The following RSPH14 variants were observed in gnomAD, a reference collection of about 807,000 sequenced individuals.
RSPH14 encodes radial spoke head 14 homolog.
Under a neutral mutation model 26.7 loss-of-function variants are expected in RSPH14, and 20 were observed. That is an observed-to-expected ratio of 0.75 (90% confidence interval 0.53 to 1.09). RSPH14 has a LOEUF of 1.09. RSPH14 is among the 50% of genes least tolerant of loss of function. RSPH14 has a pLI of 0.00. For synonymous variants in RSPH14, 177 were observed against 189.3 expected, an observed-to-expected ratio of 0.93 and a Z score of 0.53; for missense variants, 449 against 457.2, an observed-to-expected ratio of 0.98 and a Z score of 0.16.
intron 2 of RSPH14, among the ~76,000 whole-genome samples, chr22:23,139,922 A>G (rs1232970335): frequency 1.3e-5 from 2 of 152,218 alleles, no homozygotes; most frequent in African/African-American, 4.8e-5. Flanking sequence ...GAAATTAGTC[A>G]GCCATGGTGG....
intron 3 of RSPH14, chr22:23,136,373 T>C (rs140894270): frequency 1.1e-5 from 7 of 652,080 alleles, no homozygotes; most frequent in African/African-American, 5.5e-5. Context: ...TCAGGGCAGC[T>C]ACTTAGAGCT....
chr22:23,079,810 G>C (rs1045030214), intron 4 of RSPH14, among the ~76,000 whole-genome samples: 3 of 152,112 alleles, frequency 2.0e-5, no homozygotes, highest in Non-Finnish European at 2.9e-5. Flanking sequence ...CACAACCTGT[G>C]GTGCCAGCCT....
upstream of RSPH14, among the ~76,000 whole-genome samples, chr22:23,144,803 T>C (rs2070685179): frequency 6.6e-6 from 1 of 152,156 alleles, no homozygotes; most frequent in South Asian, 2.1e-4. Flanking sequence ...GCAGAAAAGT[T>C]AAGGAGCTGA....
intron 4 of RSPH14, among the ~76,000 whole-genome samples, chr22:23,125,444 C>G (rs2070158785): frequency 6.6e-6 from 1 of 152,140 alleles, no homozygotes; most frequent in Non-Finnish European, 1.5e-5. Context: ...TTCCTGTGCC[C>G]CCAGTAGTGT....
chr22:23,167,592 C>T, the RSPH14 span, among the ~76,000 whole-genome samples: 1 of 152,238 alleles, frequency 6.6e-6, no homozygotes, highest in African/African-American at 2.4e-5. Flanking sequence ...GGATGCAGGG[C>T]ATCTTAACCC....
At chr22:23,142,030 C>G, upstream of RSPH14, 1 of 985,466 alleles carries the variant, frequency 1.0e-6, no homozygotes, top group Non-Finnish European at 1.2e-6. Flanking sequence ...CGTTGCCAGG[C>G]GACTCCAGCA....
chr22:23,159,326 G>A, the RSPH14 span: 6 of 1,386,206 alleles, frequency 4.3e-6, no homozygotes, highest in Non-Finnish European at 5.9e-6. Context: ...GGCCTGCCAT[G>A]CAGTGTTTCC....
chr22:23,072,583 C>T (rs901167745), intron 4 of RSPH14, among the ~76,000 whole-genome samples: 4 of 152,170 alleles, frequency 2.6e-5, no homozygotes, highest in Non-Finnish European at 5.9e-5. Context: ...GTGTGCCTAC[C>T]CTCCCCACCC....
chr22:23,158,087 G>A, the RSPH14 span: 13 of 1,610,954 alleles, frequency 8.1e-6, no homozygotes, highest in African/African-American at 4.0e-5. Flanking sequence ...CTGGGCTCAG[G>A]AAGCTGCCTG....
At chr22:23,116,345 G>A (rs1205949496) in intron 4 of RSPH14, among the ~76,000 whole-genome samples, 1 of 152,268 alleles carries the variant, frequency 6.6e-6, no homozygotes, top group Non-Finnish European at 1.5e-5. Context: ...GTCCGCCTGA[G>A]GGGCCCAGAA....
intron 4 of RSPH14, among the ~76,000 whole-genome samples, chr22:23,075,429 T>C (rs993480632): frequency 6.6e-6 from 1 of 152,066 alleles, no homozygotes; most frequent in South Asian, 2.1e-4. Context: ...CATCTTGAGG[T>C]TGAGGTTTAG....
intron 4 of RSPH14, among the ~76,000 whole-genome samples, chr22:23,104,373 C>G (rs558223163): frequency 1.1e-4 from 17 of 152,306 alleles, no homozygotes; most frequent in African/African-American, 4.1e-4. Context: ...ACCTCCTGCT[C>G]TGCCTCGTGA....
intron 3 of RSPH14, chr22:23,136,064 G>T: frequency 2.4e-6 from 1 of 418,088 alleles, no homozygotes. Context: ...AGTCACCGTT[G>T]GACACACAAG....
intron 4 of RSPH14, chr22:23,124,332 G>A (rs1169791980): frequency 2.5e-6 from 1 of 393,592 alleles, no homozygotes; most frequent in East Asian, 8.1e-5. Flanking sequence ...TTTTTTTCAG[G>A]TGGTCTTTTT....
At chr22:23,180,325 G>A in the RSPH14 span, 44 of 178,528 alleles carry the variant, frequency 2.5e-4, no homozygotes, top group Non-Finnish European at 4.9e-4. Flanking sequence ...AGTCCAATTC[G>A]CTGTTGTTAG....
Position 23,099,919 on chromosome 22 carries a change from C to T in RSPH14, c.421+34107G>A, listed in dbSNP as rs574073699. ...ACTTGTTGCCCAACCTCTGCCCTTG[C>T]GGATCAGCTAATGGACTCTGCTGGC... On this transcript the variant is annotated intron_variant, in intron 4 of 6. Coordinates refer to ENST00000216036, the MANE Select transcript of RSPH14 (RefSeq NM_014433.3). Among the ~76,000 whole-genome samples the T allele has an allele frequency of 1.8e-3, 280 of 152,366 alleles. 1 individual carries two copies. The highest frequency in any genetic ancestry group is 5.0e-3 in the African/African-American group (206 of 41,598).
At chr22:23,097,306 A>G (rs998572939) in intron 4 of RSPH14, among the ~76,000 whole-genome samples, 7 of 152,134 alleles carry the variant, frequency 4.6e-5, no homozygotes, top group South Asian at 2.1e-4. Context: ...TCCTTGCTTC[A>G]CCCAGTCCTA....
intron 4 of RSPH14, chr22:23,070,262 C>T: frequency 6.8e-6 from 1 of 147,740 alleles, no homozygotes; most frequent in Middle Eastern, 3.2e-3. Flanking sequence ...CGCGGCACCC[C>T]CCCGCCCGCG....
the RSPH14 span, chr22:23,153,028 C>T: frequency 3.1e-6 from 5 of 1,611,386 alleles, no homozygotes; most frequent in Admixed American, 1.7e-5. Context: ...CCTCATCCCC[C>T]ACAGGTTTTG....
Sources: gnomAD v4.1 joint callset for allele counts (sites outside exome capture counted in the v4.1 genomes callset) on GRCh38, gnomAD v4.1.1 for gene constraint, MANE v1.5 for transcripts, NCBI Gene and HGNC (gene_info 2026-07-23, HGNC 2026-07-21) for gene names.